The following TEKT5 variants were observed in gnomAD, a reference collection of about 807,000 sequenced individuals.
TEKT5 encodes the protein tektin-5.
In TEKT5, 52 loss-of-function variants were observed where a neutral mutation model predicts 48.7. That is an observed-to-expected ratio of 1.07 (90% CI 0.86 to 1.35). TEKT5 has a LOEUF of 1.35. TEKT5 is among the 40% of genes most tolerant of loss of function. TEKT5 has a pLI of 0.00. For missense variants in TEKT5, 831 were observed against 641.6 expected, an observed-to-expected ratio of 1.30 and a Z score of -3.19; for synonymous variants, 318 against 267.6, an observed-to-expected ratio of 1.19 and a Z score of -1.84.
chr16:10,648,560 G>A (rs1353259038), intron 5 of TEKT5, among the ~76,000 whole-genome samples: 4 of 152,030 alleles, frequency 2.6e-5, no homozygotes, highest in African/African-American at 7.2e-5. Context: ...TCGAACTCCC[G>A]GCCTCGAGTG....
intron 1 of TEKT5, chr16:10,690,231 A>G: frequency 8.7e-6 from 5 of 573,260 alleles, no homozygotes; most frequent in Non-Finnish European, 1.5e-5. Context: ...TGACCAAGGC[A>G]TCCGGAGATG....
At chr16:10,634,812 C>A (rs2142258034) in intron 6 of TEKT5, among the ~76,000 whole-genome samples, 1 of 152,216 alleles carries the variant, frequency 6.6e-6, no homozygotes, top group South Asian at 2.1e-4. Flanking sequence ...TGAGTTCTAC[C>A]AACAAGCATG....
intron 1 of TEKT5, among the ~76,000 whole-genome samples, chr16:10,693,553 C>A (rs556944406): frequency 1.3e-5 from 2 of 152,330 alleles, no homozygotes; most frequent in South Asian, 4.1e-4. Flanking sequence ...CATACAGGTG[C>A]CCTGCACTGA....
intron 4 of TEKT5, among the ~76,000 whole-genome samples, chr16:10,679,852 G>A (rs541300674): frequency 6.7e-6 from 1 of 148,924 alleles, no homozygotes; most frequent in South Asian, 2.2e-4. Flanking sequence ...AGCCGAGATC[G>A]CACCATTGCC....
At chr16:10,631,111 C>G (rs111711031) in intron 6 of TEKT5, among the ~76,000 whole-genome samples, 1 of 149,756 alleles carries the variant, frequency 6.7e-6, no homozygotes, top group East Asian at 1.9e-4. Flanking sequence ...CAAAAATTAG[C>G]GAAGTGTGGT....
chr16:10,627,565 G>C lies in TEKT5; in HGVS notation c.*18C>G, dbSNP rs772715355. ...TTCCAATTTTACGCCAGCGCGGAAT[G>C]AGGCGCCAGGGCGGTGCTCAGGTGT... is the stretch of plus-strand genomic sequence containing the variant. On this transcript the variant is annotated 3_prime_UTR_variant, in exon 7 of 7. Transcript: ENST00000283025. 22 of 1,612,088 alleles carry C rather than the reference G, an allele frequency of 1.4e-5. No homozygotes were observed. Among genetic ancestry groups the C allele is most frequent in the Non-Finnish European group, 1.8e-5 (21 of 1,178,430 alleles).
At chr16:10,646,835 C>T (rs1056901277) in intron 5 of TEKT5, among the ~76,000 whole-genome samples, 30 of 152,154 alleles carry the variant, frequency 2.0e-4, no homozygotes, top group African/African-American at 3.1e-4. Context: ...TCAGCCCACA[C>T]GCTGGTTAAA....
intron 6 of TEKT5, among the ~76,000 whole-genome samples, chr16:10,631,834 T>A (rs1051437559): frequency 4.6e-5 from 7 of 152,158 alleles, no homozygotes; most frequent in African/African-American, 1.7e-4. Context: ...TCTCAGAGCC[T>A]CCAGGAACAG....
chr16:10,667,815 T>C (rs1898482970), intron 5 of TEKT5, among the ~76,000 whole-genome samples: 1 of 152,162 alleles, frequency 6.6e-6, no homozygotes, highest in Non-Finnish European at 1.5e-5. Flanking sequence ...AGTGGAAAAC[T>C]ACTATTGTTT....
chr16:10,630,286 AGTGTAGTG>A (rs1321527520), intron 6 of TEKT5, among the ~76,000 whole-genome samples: 1 of 151,338 alleles, frequency 6.6e-6, no homozygotes, highest in Non-Finnish European at 1.5e-5. Context: ...CCTAGGCTGG[AGTGTAGTG>A]GTGCCACCAT....
At chr16:10,632,065 G>A (rs1276246417) in intron 6 of TEKT5, among the ~76,000 whole-genome samples, 2 of 152,196 alleles carry the variant, frequency 1.3e-5, no homozygotes, top group East Asian at 1.9e-4. Flanking sequence ...ATGAAGCTGG[G>A]TGAACTTCCC....
intron 5 of TEKT5, among the ~76,000 whole-genome samples, chr16:10,646,224 G>A (rs1324157496): frequency 2.0e-5 from 3 of 152,116 alleles, no homozygotes; most frequent in African/African-American, 7.2e-5. Flanking sequence ...CCTACTTATG[G>A]TAGTAGCTCA....
intron 4 of TEKT5, among the ~76,000 whole-genome samples, chr16:10,681,015 TAATA>T (rs1028081424): frequency 3.6e-5 from 4 of 109,740 alleles, no homozygotes; most frequent in Middle Eastern, 5.9e-3. Context: ...ATAATAATAA[TAATA>T]AATAAATAAA....
Position 10,689,323 on chromosome 16 carries a change from C to G in TEKT5, c.649G>C (p.Glu217Gln), listed in dbSNP as rs767645978. The G allele has an allele frequency of 4.3e-6, 7 of 1,612,720 alleles. No homozygotes were observed. The highest frequency in any genetic ancestry group is 1.7e-4 in the Middle Eastern group (1 of 6,058). ...HDNVEKNLIR[E>Q]VDLLKCCQEQ... ...TGGCAACATTTTAGCAAATCCACTT[C>G]CTGAAATGAAAAATGTCAGAAAGAG... The change falls in exon 3 of 7, where the codon GAA becomes CAA. Residue 217 changes from glutamate (E) to glutamine (Q), a missense_variant and splice_region_variant. Coordinates refer to ENST00000283025, the MANE Select transcript of TEKT5 (RefSeq NM_144674.2).
At chr16:10,637,765 C>T (rs1055298762) in intron 5 of TEKT5, among the ~76,000 whole-genome samples, 8 of 152,166 alleles carry the variant, frequency 5.3e-5, no homozygotes, top group African/African-American at 1.9e-4. Context: ...ATACAAGACG[C>T]GAGTGGTGAA....
At chr16:10,685,149 C>T (rs1898839767) in intron 3 of TEKT5, among the ~76,000 whole-genome samples, 1 of 152,238 alleles carries the variant, frequency 6.6e-6, no homozygotes, top group Non-Finnish European at 1.5e-5. Flanking sequence ...GGCTCGGCCT[C>T]CAGTCTCCAC....
At chr16:10,630,638 T>TA (rs1338167636) in intron 6 of TEKT5, among the ~76,000 whole-genome samples, 1 of 152,174 alleles carries the variant, frequency 6.6e-6, no homozygotes, top group East Asian at 1.9e-4. Flanking sequence ...CACCATCAAA[T>TA]ATGGTACCCA....
intron 5 of TEKT5, among the ~76,000 whole-genome samples, chr16:10,663,479 G>A (rs772378014): frequency 6.6e-6 from 1 of 152,206 alleles, no homozygotes; most frequent in Non-Finnish European, 1.5e-5. Context: ...CCCAGCTCAG[G>A]AAAGAGGAAG....
chr16:10,637,074 G>A (rs2719676), intron 5 of TEKT5, among the ~76,000 whole-genome samples: 10 of 150,178 alleles, frequency 6.7e-5, no homozygotes, highest in African/African-American at 2.0e-4. Context: ...CTCCGCCTCC[G>A]GGGTTCACGC....
Sources: allele counts gnomAD v4.1 joint callset (sites outside exome capture counted in the v4.1 genomes callset), GRCh38; gene constraint gnomAD v4.1.1; transcripts MANE v1.5; gene names NCBI Gene and HGNC (gene_info 2026-07-23, HGNC 2026-07-21).